CCDC138: variants seen among roughly 807,000 people sequenced by gnomAD.
CCDC138 encodes the protein coiled-coil domain containing 138, also known as coiled-coil domain-containing protein 138.
In CCDC138, 66 loss-of-function variants were observed where a neutral mutation model predicts 82.3. The ratio of observed to expected loss-of-function variants is 0.80; its 90% CI spans 0.66 to 0.98. CCDC138 has a LOEUF of 0.98. CCDC138 is among the 50% of genes least tolerant of loss of function. The pLI is 0.00. For synonymous variants in CCDC138, 297 were observed against 265.4 expected, an observed-to-expected ratio of 1.12 and a Z score of -1.16; for missense variants, 816 against 758.9, an observed-to-expected ratio of 1.08 and a Z score of -0.88.
intron 6 of CCDC138, 138 bp from the exon 7 acceptor site, chr2:108,804,751 G>A: frequency 1.6e-6 from 1 of 636,184 alleles, no homozygotes. Flanking sequence ...TGCCACACTA[G>A]TCACTTGTGC....
rs1187530203 is a variant in CCDC138, at chr2:108,843,876, G to GTGTGTGTGTGTGTGTGTGTGTGTGTT, written c.1324-2859_1324-2858insGTGTGTGTGTGTGTGTGTGTGTTTGT. On this transcript the variant is annotated intron_variant, in intron 11 of 14. Transcript: ENST00000295124. ...TGTGTGTGTGTGTGTGTGTGTGTGT[G>GTGTGTGTGTGTGTGTGTGTGTGTGTT]TGTTTCTTTCTTTTTTTTTTTTTTT... Among the ~76,000 whole-genome samples the GTGTGTGTGTGTGTGTGTGTGTGTGTT allele has an allele frequency of 2.9e-4, 4 of 13,894 alleles. No homozygotes were observed. In the East Asian group the frequency reaches 0.013, roughly 44 times the overall value. 9.1% of individuals were successfully genotyped at this position (13,894 alleles called of 152,430 possible). A position where few individuals can be genotyped will look rare whatever the true frequency, so the allele number is the denominator to read the frequency against.
At chr2:108,820,592 A>G (rs1287865400) in intron 10 of CCDC138, among the ~76,000 whole-genome samples, 2 of 152,102 alleles carry the variant, frequency 1.3e-5, no homozygotes, top group Admixed American at 6.5e-5. Context: ...TAAATTGACA[A>G]GAGAAAAGCA....
At chr2:108,799,655 A>G (rs978110546) in intron 6 of CCDC138, among the ~76,000 whole-genome samples, 4 of 152,174 alleles carry the variant, frequency 2.6e-5, no homozygotes, top group East Asian at 3.8e-4. Flanking sequence ...AGCTTCTTCA[A>G]TTTGGAAATT....
rs1010640943 is a variant in CCDC138, at chr2:108,794,518, G to C, written c.395-22G>C. On this transcript the variant is annotated intron_variant, in intron 4 of 14. Transcript: ENST00000295124. The stretch of plus-strand genomic sequence containing the variant: ...ACAATAAGTTAATAAAGTTTATAAT[G>C]CAAATGTTATTTTCTTTGCAGTTGC... 3.8e-6 allele frequency: 6 copies of C among 1,577,876 alleles called. No homozygotes were observed. In the African/African-American group the frequency reaches 8.1e-5, roughly 21 times the overall value.
At chr2:108,820,365 G>A (rs1226652757) in intron 10 of CCDC138, among the ~76,000 whole-genome samples, 2 of 152,146 alleles carry the variant, frequency 1.3e-5, no homozygotes, top group Non-Finnish European at 2.9e-5. Flanking sequence ...TATGTGTAAT[G>A]TAAGTCTTGG....
chr2:108,871,370 TAAAAAAAAAAA>T (rs59725353), intron 13 of CCDC138, among the ~76,000 whole-genome samples: 1 of 76,672 alleles, frequency 1.3e-5, no homozygotes. Flanking sequence ...CCAACTCTAT[TAAAAAAAAAAA>T]AAAAAAAAAA....
intron 10 of CCDC138, among the ~76,000 whole-genome samples, chr2:108,826,785 G>T (rs111608006): frequency 2.0e-5 from 3 of 152,158 alleles, no homozygotes; most frequent in African/African-American, 7.2e-5. Flanking sequence ...AAAGAAACCA[G>T]CTGGGATTTT....
intron 12 of CCDC138, among the ~76,000 whole-genome samples, chr2:108,852,699 G>A (rs1691711591): frequency 6.6e-6 from 1 of 152,146 alleles, no homozygotes; most frequent in Non-Finnish European, 1.5e-5. Flanking sequence ...GGAGCTAAAT[G>A]ATGAGAACAC....
intron 7 of CCDC138, among the ~76,000 whole-genome samples, chr2:108,806,196 T>G (rs2149705890): frequency 6.6e-6 from 1 of 152,346 alleles, no homozygotes; most frequent in South Asian, 2.1e-4. Flanking sequence ...GACAGCCTGT[T>G]GTCTGTTTGG....
rs746774903 is a variant in CCDC138 at position 108,804,918 on chromosome 2, C to T, written c.765C>T (p.Thr255=). Residue 255 remains threonine (T), a synonymous_variant, in exon 7 of 15, where the codon ACC becomes ACT. Transcript: ENST00000295124. ...EQHDAEVEHL[T]EVLKEKNKET... is the part of the protein sequence containing the mutation. ...ATGATGCAGAAGTTGAACACTTAACCGAAGTTCTTAAGGAAAAGAATAAAG... is the reference window on the plus strand; with the variant it reads ...ATGATGCAGAAGTTGAACACTTAACTGAAGTTCTTAAGGAAAAGAATAAAG... 1.7e-5 allele frequency: 26 copies of T among 1,558,548 alleles called. No individual in the cohort carries two copies. Among genetic ancestry groups the T allele is most frequent in the Admixed American group, 4.2e-5 (2 of 47,524 alleles).
chr2:108,827,475 T>G (rs1176222055), intron 10 of CCDC138, among the ~76,000 whole-genome samples: 1 of 152,164 alleles, frequency 6.6e-6, no homozygotes, highest in Admixed American at 6.5e-5. Context: ...ATAGGAAGAT[T>G]TATTATGACA....
chr2:108,883,105 T>C (rs955132532), intron 2 of CCDC138: 1 of 152,240 alleles, frequency 6.6e-6, no homozygotes, highest in East Asian at 1.9e-4. Flanking sequence ...ATCCTCTATA[T>C]TTTGTGAGCC....
chr2:108,860,882 G>A (rs530794327), intron 13 of CCDC138, among the ~76,000 whole-genome samples: 1 of 130,916 alleles, frequency 7.6e-6, no homozygotes, highest in South Asian at 2.5e-4. Flanking sequence ...ATTGGTATCA[G>A]CTCTTCTTTG....
intron 7 of CCDC138, among the ~76,000 whole-genome samples, chr2:108,806,640 G>A (rs1235736545): frequency 6.6e-6 from 1 of 152,156 alleles, no homozygotes; most frequent in Non-Finnish European, 1.5e-5. Context: ...AACGAGCGTG[G>A]CTGTGTTCCA....
intron 13 of CCDC138, among the ~76,000 whole-genome samples, chr2:108,869,418 C>T (rs1248206965): frequency 1.3e-5 from 2 of 152,144 alleles, no homozygotes; most frequent in Admixed American, 6.5e-5. Flanking sequence ...TCTTGCCTAT[C>T]AATGGGTTGC....
At chr2:108,791,385 T>C (rs1009913745) in intron 3 of CCDC138, among the ~76,000 whole-genome samples, 4 of 152,180 alleles carry the variant, frequency 2.6e-5, no homozygotes, top group African/African-American at 9.7e-5. Flanking sequence ...AACAGATTAT[T>C]GGGAGTCAAA....
intron 14 of CCDC138, among the ~76,000 whole-genome samples, chr2:108,873,859 A>G (rs1695636559): frequency 6.6e-6 from 1 of 152,168 alleles, no homozygotes; most frequent in South Asian, 2.1e-4. Context: ...TGCAGGTTGG[A>G]CAAGCTTGAT....
intron 11 of CCDC138, among the ~76,000 whole-genome samples, chr2:108,843,240 C>G (rs549686470): frequency 6.6e-6 from 1 of 152,298 alleles, no homozygotes; most frequent in East Asian, 1.9e-4. Context: ...TCACTGCAAC[C>G]TCCGTCTGCT....
intron 10 of CCDC138, among the ~76,000 whole-genome samples, chr2:108,824,161 GA>G (rs1249853457): frequency 1.1e-4 from 6 of 53,216 alleles, no homozygotes; most frequent in Non-Finnish European, 2.3e-4. Context: ...ACTAAATTTA[GA>G]AAAAAAAATT....
Sources: gnomAD v4.1 joint callset for allele counts (sites outside exome capture counted in the v4.1 genomes callset) on GRCh38, gnomAD v4.1.1 for gene constraint, MANE v1.5 for transcripts, NCBI Gene and HGNC (gene_info 2026-07-23, HGNC 2026-07-21) for gene names.